The following CFAP263 variants were observed in gnomAD, a reference collection of about 807,000 sequenced individuals.
The protein encoded by CFAP263 is cilia and flagella associated protein 263.
the CFAP263 span, chr16:58,259,752 C>T: frequency 3.2e-6 from 2 of 631,010 alleles, no homozygotes; most frequent in Non-Finnish European, 5.5e-6. Context: ...AATGTTAGGG[C>T]TCAAGGTTTG....
chr16:58,254,854 C>G, the CFAP263 span, among the ~76,000 whole-genome samples: 4,778 of 152,204 alleles, frequency 0.031, 248 homozygotes, highest in African/African-American at 0.11. Flanking sequence ...ATCCGCCTGC[C>G]TCGGCCTCCC....
At chr16:58,258,313 C>T in the CFAP263 span, 4 of 1,544,054 alleles carry the variant, frequency 2.6e-6, 1 homozygote, top group Non-Finnish European at 3.5e-6. Flanking sequence ...TCTTAGAAGA[C>T]ACATCCTTGA....
the CFAP263 span, chr16:58,279,690 G>C: frequency 5.1e-6 from 8 of 1,558,602 alleles, no homozygotes; most frequent in African/African-American, 9.8e-5. Context: ...TTTTTTTGCA[G>C]ATGTCCTTAA....
At chr16:58,259,942 G>A in the CFAP263 span, 4 of 1,575,704 alleles carry the variant, frequency 2.5e-6, no homozygotes, top group East Asian at 4.5e-5. Flanking sequence ...CAGGTATGTG[G>A]TCCTTTTTCT....
the CFAP263 span, among the ~76,000 whole-genome samples, chr16:58,277,449 G>A: frequency 3.3e-5 from 5 of 152,178 alleles, no homozygotes; most frequent in Admixed American, 1.3e-4. Context: ...TTTAAAAAAT[G>A]CATTCTATTA....
the CFAP263 span, among the ~76,000 whole-genome samples, chr16:58,253,380 CA>C: frequency 6.7e-6 from 1 of 149,164 alleles, no homozygotes; most frequent in African/African-American, 2.5e-5. Flanking sequence ...GACTCTGTCT[CA>C]AAAAAATTAA....
At chr16:58,261,294 C>G in the CFAP263 span, among the ~76,000 whole-genome samples, 10 of 151,978 alleles carry the variant, frequency 6.6e-5, no homozygotes, top group African/African-American at 2.4e-4. Flanking sequence ...TTGAGTTCAG[C>G]GCAAGAAAAA....
At chr16:58,279,509 C>G in the CFAP263 span, among the ~76,000 whole-genome samples, 93,789 of 151,728 alleles carry the variant, frequency 0.62, 30,150 homozygotes, top group African/African-American at 0.8. Flanking sequence ...GGGTGCTGCC[C>G]CTTTGTGGCC....
the CFAP263 span, among the ~76,000 whole-genome samples, chr16:58,264,976 G>C: frequency 6.6e-6 from 1 of 152,196 alleles, no homozygotes; most frequent in East Asian, 1.9e-4. Flanking sequence ...TCTTCTGTGA[G>C]TTTCATGTGT....
At chr16:58,264,013 T>C in the CFAP263 span, among the ~76,000 whole-genome samples, 1 of 152,212 alleles carries the variant, frequency 6.6e-6, no homozygotes, top group Admixed American at 6.5e-5. Flanking sequence ...CAGTCCAGTA[T>C]GCATCCCACC....
chr16:58,277,135 TA>T, the CFAP263 span, among the ~76,000 whole-genome samples: 65 of 151,932 alleles, frequency 4.3e-4, no homozygotes, highest in African/African-American at 1.4e-3. Context: ...AATTTTTTTT[TA>T]AATTTTTTTT....
At chr16:58,281,220 A>G in the CFAP263 span, 34 of 165,484 alleles carry the variant, frequency 2.1e-4, no homozygotes, top group Middle Eastern at 3.3e-3. Flanking sequence ...CCTACTCCCA[A>G]TGGAGCAGTC....
chr16:58,257,402 C>T, the CFAP263 span, among the ~76,000 whole-genome samples: 2 of 152,046 alleles, frequency 1.3e-5, no homozygotes, highest in African/African-American at 2.4e-5. Context: ...TACGTCAATA[C>T]ATATTTTCAT....
At chr16:58,283,120 G>C in the CFAP263 span, 1 of 152,210 alleles carries the variant, frequency 6.6e-6, no homozygotes, top group Non-Finnish European at 1.5e-5. Context: ...CAAAAGCCCT[G>C]ACAGTGGTAG....
chr16:58,273,514 A>T, the CFAP263 span, among the ~76,000 whole-genome samples: 1 of 152,206 alleles, frequency 6.6e-6, no homozygotes, highest in Non-Finnish European at 1.5e-5. Context: ...AAAAGATTCC[A>T]GATTTTCTAT....
At chr16:58,267,682 G>T in the CFAP263 span, 17 of 738,172 alleles carry the variant, frequency 2.3e-5, 1 homozygote, top group South Asian at 3.1e-4. Flanking sequence ...CACCTTGCTG[G>T]TTTATCTAGA....
At chr16:58,258,261 C>A in the CFAP263 span, 2 of 895,954 alleles carry the variant, frequency 2.2e-6, no homozygotes, top group Non-Finnish European at 3.5e-6. Context: ...TAAGAAGAAA[C>A]ATAATATTTT....
At chr16:58,272,974 T>G in the CFAP263 span, among the ~76,000 whole-genome samples, 1 of 152,174 alleles carries the variant, frequency 6.6e-6, no homozygotes, top group Non-Finnish European at 1.5e-5. Flanking sequence ...GATATAATAT[T>G]CTTGAGTGGC....
the CFAP263 span, chr16:58,281,277 G>C: frequency 6.3e-6 from 1 of 158,922 alleles, no homozygotes; most frequent in Non-Finnish European, 1.4e-5. Flanking sequence ...CTAACTTAAA[G>C]TGACGGAGTA....
Sources: gnomAD v4.1 joint callset for allele counts (sites outside exome capture counted in the v4.1 genomes callset) on GRCh38, gnomAD v4.1.1 for gene constraint, MANE v1.5 for transcripts, NCBI Gene and HGNC (gene_info 2026-07-23, HGNC 2026-07-21) for gene names.